Variants in CFAP52 observed in about 807,000 individuals in gnomAD.
CFAP52 encodes cilia- and flagella-associated protein 52.
A neutral mutation model predicts 70.5 loss-of-function variants in CFAP52; 57 were observed. The observed-to-expected ratio is 0.81, with a 90% confidence interval of 0.65 to 1.01. The LOEUF (loss-of-function observed/expected upper bound fraction) is 1.01. CFAP52 is among the 50% of genes least tolerant of loss of function. The pLI, the probability that CFAP52 is intolerant of heterozygous loss-of-function variation, is 0.00. For missense variants in CFAP52, 785 were observed against 788.5 expected (o/e 1.00, Z 0.05); for synonymous variants, 267 against 292.5 (o/e 0.91, Z 0.89).
At chr17:9,625,026 C>A (rs1026869193) in intron 8 of CFAP52, among the ~76,000 whole-genome samples, 7 of 152,096 alleles carry the variant, frequency 4.6e-5, no homozygotes, top group African/African-American at 1.7e-4. Flanking sequence ...ATTCTGTTAA[C>A]CTCAAGCTCT....
chr17:9,588,366 G>A (rs771417584), intron 3 of CFAP52, among the ~76,000 whole-genome samples: 28 of 152,144 alleles, frequency 1.8e-4, no homozygotes, highest in East Asian at 3.9e-4. Flanking sequence ...AGCTCAGCCC[G>A]CTCGTGCCCA....
At chr17:9,584,424 A>G in intron 1 of CFAP52, 1 of 1,229,698 alleles carries the variant, frequency 8.1e-7, no homozygotes, top group South Asian at 1.3e-5. Flanking sequence ...TCCTGGTTAT[A>G]TTGAGGCATA....
At chr17:9,631,052 G>GAGAAAGAAAGAA (rs1555544295) in intron 9 of CFAP52, among the ~76,000 whole-genome samples, 5,167 of 37,954 alleles carry the variant, frequency 0.14, 636 homozygotes, top group South Asian at 0.19. Flanking sequence ...GAGAGAGAGA[G>GAGAAAGAAAGAA]AGAAAGAAAG....
intron 8 of CFAP52, among the ~76,000 whole-genome samples, chr17:9,627,766 G>T (rs960196102): frequency 6.6e-6 from 1 of 152,050 alleles, no homozygotes; most frequent in Non-Finnish European, 1.5e-5. Flanking sequence ...TGTCATCCAG[G>T]CTGGAGTGCA....
chr17:9,581,749 A>G (rs1908237201), intron 1 of CFAP52, among the ~76,000 whole-genome samples: 1 of 152,216 alleles, frequency 6.6e-6, no homozygotes, highest in South Asian at 2.1e-4. Context: ...CTATTGCTTT[A>G]GTGAGAGCCT....
At position 9,577,268 on chromosome 17, in the gene CFAP52, A is replaced by T. The variant is rs11870731; in HGVS notation, c.70+503A>T. Among the ~76,000 whole-genome samples the T allele has an allele frequency of 8.3e-3, 1,257 of 152,250 alleles. 20 individuals are homozygous for T. The highest frequency in any genetic ancestry group is 0.029 in the African/African-American group (1,207 of 41,560). ...TGTGTTTGAGCAACCCCCTGAGGGG[A>T]TGTTGTTGGTCCTCTAATCCTAAGG... is the stretch of plus-strand genomic sequence containing the variant. On this transcript the variant is annotated intron_variant, in intron 1 of 13. Transcript: ENST00000352665.
rs566107551 is a variant in CFAP52 at position 9,584,788 on chromosome 17, A to AT, written c.71-979dup. On this transcript the variant is annotated intron_variant, in intron 1 of 13. Transcript: ENST00000352665. ...AGGTGCCCACCACCAAGCCCAGCTA[A>AT]TTTTTTGTATTTTTAGTAGAGACCG... Among the ~76,000 whole-genome samples the AT allele has an allele frequency of 7.9e-5, 12 of 151,784 alleles. No individual in the cohort carries two copies. The East Asian group carries it at 2.1e-3, about 27-fold the overall frequency.
intron 9 of CFAP52, among the ~76,000 whole-genome samples, chr17:9,631,051 AG>A (rs1910494393): frequency 3.7e-5 from 4 of 108,504 alleles, no homozygotes; most frequent in Admixed American, 1.9e-4. Flanking sequence ...AGAGAGAGAG[AG>A]AGAAAGAAAG....
chr17:9,587,231 G>A (rs1406147912), intron 3 of CFAP52, among the ~76,000 whole-genome samples: 1 of 152,202 alleles, frequency 6.6e-6, no homozygotes, highest in East Asian at 1.9e-4. Flanking sequence ...AGTAGTCCAT[G>A]ATGTATATGT....
rs1345050082 is a variant in CFAP52 at position 9,643,180 on chromosome 17, G to C, written c.1845G>C (p.Lys615Asn). 2.5e-6 allele frequency: 4 copies of C among 1,611,732 alleles called. No homozygotes were observed. The highest frequency in any genetic ancestry group is 3.4e-6 in the Non-Finnish European group (4 of 1,178,978). The change falls in exon 14 of 14, where the codon AAG (lysine) becomes AAC (asparagine). Residue 615 changes from lysine (K) to asparagine (N), a missense_variant. Transcript: ENST00000352665. ...VSADGAILRW[K>N]YPYTS ...CCGATGGAGCCATTTTGCGATGGAA[G>C]TACCCATATACCTCCTGAAGCTGAT...
At chr17:9,622,788 G>C (rs1011219830) in intron 8 of CFAP52, among the ~76,000 whole-genome samples, 10 of 151,938 alleles carry the variant, frequency 6.6e-5, no homozygotes, top group African/African-American at 2.2e-4. Flanking sequence ...CTACCACCCT[G>C]GTAAAGCAAT....
intron 2 of CFAP52, 42 bp downstream of exon 2, chr17:9,586,014 G>T: frequency 1.3e-6 from 2 of 1,595,168 alleles, no homozygotes; most frequent in South Asian, 2.2e-5. Context: ...TTATCTAGAG[G>T]TGCCTCCCTA....
Position 9,577,168 on chromosome 17 carries a change from C to A in CFAP52, c.70+403C>A, listed in dbSNP as rs146796396. ...CCACACAGAAGGATGCTGTCTGTGTCGGCCCCTGGGACCAGCTAGGAAATC... is the reference window on the plus strand; with the variant it reads ...CCACACAGAAGGATGCTGTCTGTGTAGGCCCCTGGGACCAGCTAGGAAATC... On this transcript the variant is annotated intron_variant, in intron 1 of 13. Coordinates refer to ENST00000352665, the MANE Select transcript of CFAP52 (RefSeq NM_145054.5). Among the ~76,000 whole-genome samples, 308 of 152,294 alleles carry A rather than the reference C, an allele frequency of 2.0e-3. 2 individuals are homozygous for A. Among genetic ancestry groups the A allele is most frequent in the Non-Finnish European group, 3.1e-3 (209 of 68,016 alleles).
intron 3 of CFAP52, among the ~76,000 whole-genome samples, chr17:9,593,989 A>G (rs571766383): frequency 4.8e-4 from 73 of 152,162 alleles, no homozygotes; most frequent in African/African-American, 1.6e-3. Flanking sequence ...AACAACAACA[A>G]CAAAAAACTT....
At chr17:9,584,956 G>A (rs1335741892) in intron 1 of CFAP52, among the ~76,000 whole-genome samples, 1 of 152,092 alleles carries the variant, frequency 6.6e-6, no homozygotes, top group African/African-American at 2.4e-5. Context: ...TTAAAAAGAA[G>A]GAAATCATGC....
chr17:9,588,889 G>A (rs912094028), intron 3 of CFAP52, among the ~76,000 whole-genome samples: 6 of 151,574 alleles, frequency 4.0e-5, no homozygotes, highest in Non-Finnish European at 7.4e-5. Flanking sequence ...GATCACCTGA[G>A]GTCAGGAGTT....
At chr17:9,581,066 C>T (rs907502173) in intron 1 of CFAP52, among the ~76,000 whole-genome samples, 6 of 152,198 alleles carry the variant, frequency 3.9e-5, no homozygotes, top group African/African-American at 1.4e-4. Flanking sequence ...CCTGTAATCC[C>T]AGCACTTTGG....
chr17:9,606,384 TACAC>T (rs34567855), intron 6 of CFAP52, among the ~76,000 whole-genome samples: 2,418 of 150,060 alleles, frequency 0.016, 46 homozygotes, highest in African/African-American at 0.046. Flanking sequence ...GTCTCCAAAA[TACAC>T]ACACACACAC....
chr17:9,631,040 G>GAAAGAAAGAA lies in CFAP52; in HGVS notation c.1175-1847_1175-1846insAAGAAAGAAA, dbSNP rs1555544268. 2.6e-4 allele frequency among the ~76,000 whole-genome samples: 10 copies of GAAAGAAAGAA among 37,842 alleles called. No homozygotes were observed. In the South Asian group the frequency reaches 8.4e-3, roughly 32 times the overall value. The allele number at this position is 37,842 out of a possible 152,430, so 24.8% of individuals were successfully genotyped here. On this transcript the variant is annotated intron_variant, in intron 9 of 13. Transcript: ENST00000352665. ...AAAGAAAGAAAGAAAGAGAGAGAGA[G>GAAAGAAAGAA]AGAGAGAGAGAGAGAAAGAAAGAAA...
Sources: allele counts gnomAD v4.1 joint callset (sites outside exome capture counted in the v4.1 genomes callset), GRCh38; gene constraint gnomAD v4.1.1; transcripts MANE v1.5; gene names NCBI Gene and HGNC (gene_info 2026-07-23, HGNC 2026-07-21).